Variants in NDST4 observed in about 807,000 individuals in gnomAD.
NDST4 encodes the protein N-heparan sulfate sulfotransferase 4.
In NDST4, 63 loss-of-function variants were observed where a neutral mutation model predicts 100.8. The ratio of observed to expected loss-of-function variants is 0.62; its 90% CI spans 0.51 to 0.77. The LOEUF (loss-of-function observed/expected upper bound fraction) is 0.77. Among genes scored for constraint, NDST4 ranks in the 30% least tolerant of loss-of-function variants. NDST4 has a pLI of 0.00. For synonymous variants in NDST4, 377 were observed against 361.8 expected, an observed-to-expected ratio of 1.04 and a Z score of -0.48; for missense variants, 943 against 1,018.4, an observed-to-expected ratio of 0.93 and a Z score of 1.01.
intron 2 of NDST4, among the ~76,000 whole-genome samples, chr4:115,016,138 C>A (rs563225688): frequency 4.6e-5 from 7 of 152,114 alleles, no homozygotes; most frequent in African/African-American, 1.7e-4. Flanking sequence ...AAATAAAGTG[C>A]AGTAATGGGA....
intron 4 of NDST4, among the ~76,000 whole-genome samples, chr4:114,966,005 C>A (rs1726371982): frequency 6.6e-6 from 1 of 151,782 alleles, no homozygotes; most frequent in South Asian, 2.1e-4. Flanking sequence ...TGAATAGCAG[C>A]AAAGATCTAT....
At chr4:114,939,988 T>C (rs1224543497) in intron 4 of NDST4, among the ~76,000 whole-genome samples, 1 of 152,138 alleles carries the variant, frequency 6.6e-6, no homozygotes, top group Non-Finnish European at 1.5e-5. Flanking sequence ...TAAAACCTAC[T>C]TCGCAGAGAC....
chr4:115,032,917 G>A (rs1212690102), intron 2 of NDST4, among the ~76,000 whole-genome samples: 1 of 151,744 alleles, frequency 6.6e-6, no homozygotes, highest in African/African-American at 2.4e-5. Flanking sequence ...AATTTTATAA[G>A]CAAACATGTT....
chr4:114,867,955 T>A (rs745923754), intron 7 of NDST4, among the ~76,000 whole-genome samples: 29 of 152,144 alleles, frequency 1.9e-4, no homozygotes, highest in Non-Finnish European at 4.1e-4. Flanking sequence ...TGACAGATAT[T>A]CATATTGCAG....
rs369045199 is a variant in NDST4, at chr4:114,887,587, AAAGC to A, written c.1537-16641_1537-16638del. On this transcript the variant is annotated intron_variant, in intron 6 of 13. Coordinates refer to ENST00000264363, the MANE Select transcript of NDST4 (RefSeq NM_022569.3). ...GCATTGATGTCTGCTTGCTGGCACAAAAGCAAACAGACATCCATACAAGGATCCA... is the reference window on the plus strand; with the variant it reads ...GCATTGATGTCTGCTTGCTGGCACAAAAACAGACATCCATACAAGGATCCA... 7.3e-3 allele frequency among the ~76,000 whole-genome samples: 1,116 copies of A among 152,312 alleles called. 89 individuals are homozygous for A. The South Asian group carries it at 0.18, about 24-fold the overall frequency.
chr4:114,910,787 C>T (rs1051967304), intron 6 of NDST4, among the ~76,000 whole-genome samples: 21 of 152,174 alleles, frequency 1.4e-4, no homozygotes, highest in African/African-American at 4.8e-4. Flanking sequence ...CCCAGTATTC[C>T]ACATCTTAGT....
intron 2 of NDST4, among the ~76,000 whole-genome samples, chr4:114,990,815 A>G (rs2126251621): frequency 6.6e-6 from 1 of 152,264 alleles, no homozygotes; most frequent in South Asian, 2.1e-4. Flanking sequence ...TTTATGCCCC[A>G]GACATCATTG....
At chr4:114,970,130 A>AT (rs1188716462) in intron 4 of NDST4, among the ~76,000 whole-genome samples, 2 of 147,772 alleles carry the variant, frequency 1.4e-5, no homozygotes, top group African/African-American at 2.7e-5. Context: ...AAGTTGTACT[A>AT]TTTTTTCATC....
chr4:115,069,475 A>G (rs948617311), intron 2 of NDST4, among the ~76,000 whole-genome samples: 4 of 152,222 alleles, frequency 2.6e-5, no homozygotes, highest in Non-Finnish European at 5.9e-5. Flanking sequence ...CAAACAACCC[A>G]TTAAAAAATG....
At chr4:115,029,906 G>A (rs2126269203) in intron 2 of NDST4, among the ~76,000 whole-genome samples, 1 of 152,228 alleles carries the variant, frequency 6.6e-6, no homozygotes, top group East Asian at 1.9e-4. Flanking sequence ...AGAATTCAGG[G>A]AAAAAGTTTG....
intron 6 of NDST4, among the ~76,000 whole-genome samples, chr4:114,897,659 T>C (rs1724745495): frequency 6.6e-6 from 1 of 152,174 alleles, no homozygotes; most frequent in Non-Finnish European, 1.5e-5. Context: ...AATACACTGT[T>C]TTCCAATCAG....
rs185370930 is a variant in NDST4 at position 115,098,049 on chromosome 4, C to T, written c.-247+15395G>A. Among the ~76,000 whole-genome samples the T allele has an allele frequency of 2.6e-5, 4 of 152,222 alleles. No homozygotes were observed. The East Asian group carries it at 5.8e-4, about 22-fold the overall frequency. On this transcript the variant is annotated intron_variant, in intron 1 of 13. Transcript: ENST00000264363. ...AGCTCCCTCCTTACACTTCCTAAAC[C>T]CTGCTTGGTTGTGTGTGTAATACTA...
intron 2 of NDST4, among the ~76,000 whole-genome samples, chr4:114,999,474 A>G (rs1727236270): frequency 6.6e-6 from 1 of 152,126 alleles, no homozygotes; most frequent in Non-Finnish European, 1.5e-5. Context: ...AAAGTGCTCC[A>G]TAAAAGCAAG....
At chr4:115,083,226 G>A (rs1469388991) in intron 1 of NDST4, among the ~76,000 whole-genome samples, 1 of 152,124 alleles carries the variant, frequency 6.6e-6, no homozygotes, top group Non-Finnish European at 1.5e-5. Context: ...TGAGGCTGAA[G>A]GATTGCTTGA....
At chr4:114,951,473 C>G (rs1251401114) in intron 4 of NDST4, among the ~76,000 whole-genome samples, 2 of 152,024 alleles carry the variant, frequency 1.3e-5, no homozygotes, top group Non-Finnish European at 2.9e-5. Flanking sequence ...TGATAGCATG[C>G]TTCTTGAAGA....
At chr4:115,095,253 T>C (rs1185352875) in intron 1 of NDST4, among the ~76,000 whole-genome samples, 1 of 152,150 alleles carries the variant, frequency 6.6e-6, no homozygotes, top group African/African-American at 2.4e-5. Flanking sequence ...CTTATCCACC[T>C]AGCTAATACT....
At chr4:115,104,297 T>G (rs503256) in intron 1 of NDST4, among the ~76,000 whole-genome samples, 117,198 of 151,970 alleles carry the variant, frequency 0.77, 45,843 homozygotes, top group African/African-American at 0.89. Flanking sequence ...AACTGCTTTT[T>G]TGGAAGAAAT....
At chr4:114,918,932 T>G (rs1246035131) in intron 6 of NDST4, among the ~76,000 whole-genome samples, 1 of 152,192 alleles carries the variant, frequency 6.6e-6, no homozygotes, top group East Asian at 1.9e-4. Flanking sequence ...GGTATTTTTT[T>G]TAGAAAATAA....
chr4:114,960,002 T>A (rs1204252353), intron 4 of NDST4, among the ~76,000 whole-genome samples: 2 of 152,172 alleles, frequency 1.3e-5, no homozygotes, highest in African/African-American at 4.8e-5. Flanking sequence ...ATAAAAATTT[T>A]GAAAACAAAG....
Sources: allele counts gnomAD v4.1 joint callset (sites outside exome capture counted in the v4.1 genomes callset), GRCh38; gene constraint gnomAD v4.1.1; transcripts MANE v1.5; gene names NCBI Gene and HGNC (gene_info 2026-07-23, HGNC 2026-07-21).